RALA: variants seen among roughly 807,000 people sequenced by gnomAD.
The protein encoded by RALA is ras-related protein Ral-A.
In RALA, 5 loss-of-function variants were observed where a neutral mutation model predicts 24.0. That is an observed-to-expected ratio of 0.21 (90% confidence interval 0.11 to 0.44). The LOEUF (loss-of-function observed/expected upper bound fraction) is 0.44, where lower values mean the gene tolerates loss of function less well. Ranked by LOEUF, RALA falls within the 20% of genes least tolerant of loss-of-function variation. RALA has a pLI of 0.99. For synonymous variants in RALA, 77 were observed against 83.8 expected (o/e 0.92, Z 0.44); for missense variants, 95 against 241.2 (o/e 0.39, Z 4.01).
At chr7:39,689,466 T>C (rs1326311452) in intron 2 of RALA, among the ~76,000 whole-genome samples, 1 of 152,184 alleles carries the variant, frequency 6.6e-6, no homozygotes, top group African/African-American at 2.4e-5. Context: ...TAATGATGAA[T>C]AGCATATGCA....
rs1383552655 is a variant in RALA at position 39,690,928 on chromosome 7, A to G, written c.323+338A>G. Among the ~76,000 whole-genome samples, 3 of 152,174 alleles carry G rather than the reference A, an allele frequency of 2.0e-5. No homozygotes were observed. In the East Asian group the frequency reaches 5.8e-4, roughly 29 times the overall value. On this transcript the variant is annotated intron_variant, in intron 3 of 4. Coordinates refer to ENST00000005257, the MANE Select transcript of RALA (RefSeq NM_005402.4). Reference sequence around the variant, plus strand: ...AGTTCATACTTAGAGCACATAATGGAGCTTACTCAGGTTTTACATCTTTCT... The same window carrying G: ...AGTTCATACTTAGAGCACATAATGGGGCTTACTCAGGTTTTACATCTTTCT...
chr7:39,638,822 G>A (rs1272679291), intron 1 of RALA, among the ~76,000 whole-genome samples: 1 of 152,228 alleles, frequency 6.6e-6, no homozygotes, highest in Admixed American at 6.5e-5. Context: ...TAATCCTGCT[G>A]TGAACATTCA....
chr7:39,673,833 T>C (rs1792429849), intron 1 of RALA, among the ~76,000 whole-genome samples: 1 of 152,030 alleles, frequency 6.6e-6, no homozygotes, highest in Non-Finnish European at 1.5e-5. Flanking sequence ...AAATGATTTT[T>C]AAGAGACAGG....
At chr7:39,640,879 A>G (rs1346720799) in intron 1 of RALA, among the ~76,000 whole-genome samples, 2 of 152,232 alleles carry the variant, frequency 1.3e-5, no homozygotes, top group Non-Finnish European at 2.9e-5. Flanking sequence ...TCAGCAAAAC[A>G]GAATTTTGCC....
chr7:39,656,247 A>G (rs1352798471), intron 1 of RALA, among the ~76,000 whole-genome samples: 1 of 152,220 alleles, frequency 6.6e-6, no homozygotes, highest in Non-Finnish European at 1.5e-5. Flanking sequence ...TCTTGGGTTT[A>G]TGAGATTGAC....
At chr7:39,633,923 T>C (rs150362442) in intron 1 of RALA, among the ~76,000 whole-genome samples, 149 of 152,358 alleles carry the variant, frequency 9.8e-4, no homozygotes, top group African/African-American at 3.5e-3. Flanking sequence ...CACTGCCATC[T>C]AATTTATCCA....
intron 1 of RALA, among the ~76,000 whole-genome samples, chr7:39,643,598 G>A (rs1037024491): frequency 6.6e-6 from 1 of 151,976 alleles, no homozygotes; most frequent in African/African-American, 2.4e-5. Flanking sequence ...GCTTACGCCT[G>A]TAATCCCAGC....
At chr7:39,664,891 G>A (rs1020900326) in intron 1 of RALA, among the ~76,000 whole-genome samples, 4 of 151,996 alleles carry the variant, frequency 2.6e-5, no homozygotes, top group Non-Finnish European at 2.9e-5. Flanking sequence ...GATGAGAAAG[G>A]AGTCCTAGAA....
intron 1 of RALA, among the ~76,000 whole-genome samples, chr7:39,629,796 C>T (rs951052389): frequency 6.6e-6 from 1 of 152,108 alleles, no homozygotes; most frequent in African/African-American, 2.4e-5. Flanking sequence ...GGGGTTTCAC[C>T]GTGTTAGCCA....
chr7:39,687,686 G>T (rs1337294559), intron 2 of RALA, among the ~76,000 whole-genome samples: 1 of 152,132 alleles, frequency 6.6e-6, no homozygotes. Flanking sequence ...TCCAATGTAA[G>T]CATTTATCCT....
At chr7:39,672,591 A>T (rs1038538520) in intron 1 of RALA, among the ~76,000 whole-genome samples, 2 of 152,160 alleles carry the variant, frequency 1.3e-5, no homozygotes, top group South Asian at 2.1e-4. Flanking sequence ...ATAAAATTTT[A>T]AAAAATGGAA....
intron 1 of RALA, among the ~76,000 whole-genome samples, chr7:39,632,073 A>G (rs1002438428): frequency 6.6e-6 from 1 of 152,212 alleles, no homozygotes; most frequent in Non-Finnish European, 1.5e-5. Context: ...TAGAGTAAGA[A>G]CTTGCTCATT....
intron 4 of RALA, among the ~76,000 whole-genome samples, chr7:39,699,683 A>G (rs1185975763): frequency 1.3e-5 from 2 of 152,242 alleles, no homozygotes; most frequent in African/African-American, 4.8e-5. Context: ...TGGTGTCTGT[A>G]GCTTGCTGCC....
At chr7:39,671,724 C>T (rs1792392107) in intron 1 of RALA, among the ~76,000 whole-genome samples, 1 of 152,020 alleles carries the variant, frequency 6.6e-6, no homozygotes, top group African/African-American at 2.4e-5. Context: ...ATCTTTAAGC[C>T]ATCAACTACT....
chr7:39,635,853 C>G (rs1218804543), intron 1 of RALA, among the ~76,000 whole-genome samples: 1 of 152,200 alleles, frequency 6.6e-6, no homozygotes, highest in Non-Finnish European at 1.5e-5. Context: ...GGCCCAGTTC[C>G]TAACAGGCCA....
At position 39,707,173 on chromosome 7, in the gene RALA, T is replaced by A. The variant is rs1337790020; in HGVS notation, c.*928T>A. 2 of 152,454 alleles carry A rather than the reference T, an allele frequency of 1.3e-5. No homozygotes were observed. The highest frequency in any genetic ancestry group is 1.5e-5 in the Non-Finnish European group (1 of 68,026). 9.4% of individuals were successfully genotyped at this position (152,454 alleles called of 1,614,324 possible). A position where few individuals can be genotyped will look rare whatever the true frequency, so the allele number is the denominator to read the frequency against. On this transcript the variant is annotated 3_prime_UTR_variant, in exon 5 of 5. Coordinates refer to ENST00000005257, the MANE Select transcript of RALA (RefSeq NM_005402.4). The stretch of plus-strand genomic sequence containing the variant: ...CCAGTTATGTTTGAATGAACCCTCC[T>A]TTTCTCTGAGATTCTGGTCCCTGGA...
At chr7:39,661,784 C>T (rs1485188622) in intron 1 of RALA, among the ~76,000 whole-genome samples, 1 of 152,202 alleles carries the variant, frequency 6.6e-6, no homozygotes, top group Non-Finnish European at 1.5e-5. Flanking sequence ...AGGACAGTGG[C>T]CCTCTTCTCA....
chr7:39,663,555 G>A (rs1041958151), intron 1 of RALA, among the ~76,000 whole-genome samples: 3 of 151,218 alleles, frequency 2.0e-5, no homozygotes, highest in Non-Finnish European at 4.4e-5. Context: ...TGCCTGATAT[G>A]TACCATAGAT....
chr7:39,691,778 G>T (rs575816113), intron 3 of RALA, among the ~76,000 whole-genome samples: 4 of 152,194 alleles, frequency 2.6e-5, no homozygotes, highest in Admixed American at 2.6e-4. Flanking sequence ...ATGATGACAT[G>T]CAAGGGATGG....
Sources: allele counts gnomAD v4.1 joint callset (sites outside exome capture counted in the v4.1 genomes callset), GRCh38; gene constraint gnomAD v4.1.1; transcripts MANE v1.5; gene names NCBI Gene and HGNC (gene_info 2026-07-23, HGNC 2026-07-21).